NAP1L4: variants seen among roughly 807,000 people sequenced by gnomAD.
NAP1L4 encodes the protein nucleosome assembly protein 1-like 4.
In NAP1L4, 15 loss-of-function variants were observed where a neutral mutation model predicts 58.2. The observed-to-expected ratio is 0.26, with a 90% confidence interval of 0.17 to 0.40. NAP1L4 has a LOEUF of 0.40. Ranked by LOEUF, NAP1L4 falls within the 10% of genes least tolerant of loss-of-function variation. The probability of loss-of-function intolerance (pLI) is 1.00; values close to 1 mark genes in which losing one functional copy is unlikely to be tolerated. For missense variants in NAP1L4, 384 were observed against 451.1 expected, an observed-to-expected ratio of 0.85 and a Z score of 1.35; for synonymous variants, 171 against 155.6, an observed-to-expected ratio of 1.10 and a Z score of -0.74.
At chr11:2,966,212 G>T (rs1222406486) in intron 7 of NAP1L4, among the ~76,000 whole-genome samples, 2 of 152,088 alleles carry the variant, frequency 1.3e-5, no homozygotes, top group Admixed American at 6.5e-5. Context: ...TACTATTTAT[G>T]GGACACAGTG....
At position 2,954,430 on chromosome 11, in the gene NAP1L4, A is replaced by G; in HGVS notation, c.1035+97T>C. On this transcript the variant is annotated intron_variant, in intron 12 of 15. Coordinates refer to ENST00000380542, the MANE Select transcript of NAP1L4 (RefSeq NM_005969.4). The surrounding 1 kb of genome is among the most constrained non-coding windows in gnomAD (Gnocchi z 4.8). ...ATCTGGCTGATGATGTAATAAAAAG[A>G]TTAGGCATGGGGGTTTCCTAAGCCA... 6.4e-7 allele frequency: 1 copy of G among 1,554,908 alleles called. No homozygotes were observed. Among genetic ancestry groups the G allele is most frequent in the Non-Finnish European group, 8.9e-7 (1 of 1,128,674 alleles).
At chr11:2,990,862 G>A (rs1419788357) in intron 1 of NAP1L4, 1 of 317,254 alleles carries the variant, frequency 3.2e-6, no homozygotes, top group Non-Finnish European at 6.4e-6. Flanking sequence ...TAGTCATTTA[G>A]AGGTATAGTT....
intron 7 of NAP1L4, among the ~76,000 whole-genome samples, chr11:2,967,527 C>A (rs560010894): frequency 1.0e-3 from 150 of 150,708 alleles, no homozygotes; most frequent in Non-Finnish European, 1.7e-3. Flanking sequence ...AGGAGAATGG[C>A]GTGAACCCAG....
intron 10 of NAP1L4, among the ~76,000 whole-genome samples, chr11:2,957,174 CAA>C (rs772683405): frequency 2.6e-5 from 4 of 152,116 alleles, no homozygotes; most frequent in Non-Finnish European, 5.9e-5. Context: ...ACTTCCTACA[CAA>C]AGTGATTCCA....
At chr11:2,945,702 T>C in intron 15 of NAP1L4, 56 bp from the exon 16 acceptor site, 1 of 1,410,304 alleles carries the variant, frequency 7.1e-7, no homozygotes. Context: ...ATTCACCAAT[T>C]AGCTCCAATC....
Position 2,959,152 on chromosome 11 carries a change from T to C in NAP1L4, c.747-608A>G, listed in dbSNP as rs1846717433. ...ATGATGTCCTGGCCCTGGAAAATCATCTTTCTAAATTACTCTAGCAGGATT... is the reference window on the plus strand; with the variant it reads ...ATGATGTCCTGGCCCTGGAAAATCACCTTTCTAAATTACTCTAGCAGGATT... On this transcript the variant is annotated intron_variant, in intron 9 of 15. Coordinates refer to ENST00000380542, the MANE Select transcript of NAP1L4 (RefSeq NM_005969.4). This position sits in a 1 kb window ranked among gnomAD's most constrained non-coding sequence, Gnocchi z 4.9. Among the ~76,000 whole-genome samples, 1 of 152,256 alleles carries C rather than the reference T, an allele frequency of 6.6e-6. No homozygotes were observed. The highest frequency in any genetic ancestry group is 1.5e-5 in the Non-Finnish European group (1 of 68,044).
At chr11:2,973,633 T>C (rs1847773794) in intron 4 of NAP1L4, among the ~76,000 whole-genome samples, 1 of 152,190 alleles carries the variant, frequency 6.6e-6, no homozygotes, top group Non-Finnish European at 1.5e-5. Context: ...GTCCTTAGTT[T>C]AAGCAAAGAC....
chr11:2,976,230 T>C, intron 3 of NAP1L4, 107 bp from the exon 4 acceptor site: 4 of 703,314 alleles, frequency 5.7e-6, no homozygotes, highest in Non-Finnish European at 9.4e-6. Context: ...GATTTACATC[T>C]ACTAATTTCT....
intron 15 of NAP1L4, among the ~76,000 whole-genome samples, chr11:2,947,430 G>C (rs987175978): frequency 6.6e-6 from 1 of 152,222 alleles, no homozygotes; most frequent in Non-Finnish European, 1.5e-5. Context: ...CTGACTCTGG[G>C]AAGAGCTGCC....
intron 2 of NAP1L4, 107 bp from the exon 3 acceptor site, chr11:2,978,449 G>T: frequency 9.6e-7 from 1 of 1,039,566 alleles, no homozygotes; most frequent in Non-Finnish European, 1.4e-6. Flanking sequence ...TCTGTACAGT[G>T]ACGTCAGATT....
At position 2,948,069 on chromosome 11, in the gene NAP1L4, G is replaced by GA. The variant is rs397730500; in HGVS notation, c.*32+1157dup. ...GTGGCATGGGAGGGGTGGCGTGGGAGAGTGGGTGAGGGTACAGGTGGAATA... is the reference window on the plus strand; with the variant it reads ...GTGGCATGGGAGGGGTGGCGTGGGAGAAGTGGGTGAGGGTACAGGTGGAATA... On this transcript the variant is annotated intron_variant, in intron 15 of 15. Transcript: ENST00000380542. This position sits in a 1 kb window ranked among gnomAD's most constrained non-coding sequence, Gnocchi z 5.1. Among the ~76,000 whole-genome samples, 1 of 62 alleles carries GA rather than the reference G, an allele frequency of 0.016. No homozygotes were observed. Among genetic ancestry groups the GA allele is most frequent in the Non-Finnish European group, 0.031 (1 of 32 alleles). 0.0% of individuals were successfully genotyped at this position (62 alleles called of 152,430 possible).
Position 2,964,718 on chromosome 11 carries a change from C to A in NAP1L4, c.568G>T (p.Asp190Tyr). The change falls in exon 8 of 16, where the codon GAT becomes TAT. Residue 190 changes from aspartate (D) to tyrosine (Y), a missense_variant. Coordinates refer to ENST00000380542, the MANE Select transcript of NAP1L4 (RefSeq NM_005969.4). ...YDEPILKHLQDIKVKFSDPGQ... is the reference protein window; with the variant it reads ...YDEPILKHLQYIKVKFSDPGQ... ...GGGTCAGAAAATTTCACTTTAATATCCTGCAGGTGTTTCAAGATTGGTTCA... is the reference window on the plus strand; with the variant it reads ...GGGTCAGAAAATTTCACTTTAATATACTGCAGGTGTTTCAAGATTGGTTCA... The A allele has an allele frequency of 6.2e-7, 1 of 1,613,966 alleles. No homozygotes were observed. Among genetic ancestry groups the A allele is most frequent in the Non-Finnish European group, 8.5e-7 (1 of 1,179,934 alleles).
chr11:2,991,342 A>G (rs1848953754), intron 1 of NAP1L4: 2 of 309,704 alleles, frequency 6.5e-6, no homozygotes, highest in African/African-American at 2.2e-5. Flanking sequence ...TGAAAACAAC[A>G]AAGACTCTGG....
At chr11:2,991,971 T>A (rs548339693) in intron 1 of NAP1L4, 2 of 152,102 alleles carry the variant, frequency 1.3e-5, no homozygotes, top group East Asian at 3.9e-4. Context: ...CAAAGCGCCT[T>A]GACCTTCAGT....
Position 2,949,349 on chromosome 11 carries a change from T to A in NAP1L4, c.1123-85A>T. 1 of 1,096,942 alleles carries A rather than the reference T, an allele frequency of 9.1e-7. No homozygotes were observed. The highest frequency in any genetic ancestry group is 1.3e-5 in the South Asian group (1 of 79,364). 68.0% of individuals were successfully genotyped at this position (1,096,942 alleles called of 1,614,324 possible). ...ATTATACAGGAGGAAACGGCCACAA[T>A]TTCTCATGATACAAAAGGGCTGCAA... is the stretch of plus-strand genomic sequence containing the variant. On this transcript the variant is annotated intron_variant, in intron 14 of 15. Transcript: ENST00000380542. This position sits in a 1 kb window ranked among gnomAD's most constrained non-coding sequence, Gnocchi z 4.0.
rs560610872 is a variant in NAP1L4, at chr11:2,954,708, C to A, written c.916-62G>T. The A allele has an allele frequency of 6.2e-7, 1 of 1,606,570 alleles. No individual in the cohort carries two copies. ...TGGGATAAAAACATTCACTTCACCA[C>A]CCTCAGCCAAACCTCAGCCCCTCAC... On this transcript the variant is annotated intron_variant, in intron 11 of 15. Coordinates refer to ENST00000380542, the MANE Select transcript of NAP1L4 (RefSeq NM_005969.4). This position sits in a 1 kb window ranked among gnomAD's most constrained non-coding sequence, Gnocchi z 4.8.
chr11:2,979,589 A>G (rs1848181592), intron 1 of NAP1L4, among the ~76,000 whole-genome samples: 1 of 152,110 alleles, frequency 6.6e-6, no homozygotes, highest in African/African-American at 2.4e-5. Context: ...CCTGACCAAC[A>G]TGGTGAAACC....
At position 2,946,877 on chromosome 11, in the gene NAP1L4, CT is replaced by C. The variant is rs1366001384; in HGVS notation, c.*33-1232del. 6.6e-6 allele frequency among the ~76,000 whole-genome samples: 1 copy of C among 152,128 alleles called. No individual in the cohort carries two copies. ...TGTAGTGGCCAAGAACACTGAGCCA[CT>C]GGCCTTAGGAGTGTGGGGGATGCAG... is the stretch of plus-strand genomic sequence containing the variant. On this transcript the variant is annotated intron_variant, in intron 15 of 15. Transcript: ENST00000380542. The surrounding 1 kb of genome is among the most constrained non-coding windows in gnomAD (Gnocchi z 4.8).
intron 1 of NAP1L4, among the ~76,000 whole-genome samples, chr11:2,979,501 G>A (rs140947050): frequency 1.2e-4 from 19 of 152,088 alleles, no homozygotes; most frequent in African/African-American, 4.3e-4. Flanking sequence ...GGCCTGGCGC[G>A]GTGGTTCACG....
Sources: gnomAD v4.1 joint callset for allele counts (sites outside exome capture counted in the v4.1 genomes callset) on GRCh38, gnomAD v4.1.1 for gene constraint, Gnocchi (gnomAD v3.1) non-coding constraint, MANE v1.5 for transcripts, NCBI Gene and HGNC (gene_info 2026-07-23, HGNC 2026-07-21) for gene names.